Variants in ZNF644 observed in about 807,000 individuals in gnomAD.
ZNF644 encodes zinc finger motif enhancer binding protein 2.
Under a neutral mutation model 108.0 loss-of-function variants are expected in ZNF644, and 20 were observed. That is an observed-to-expected ratio of 0.19 (90% CI 0.13 to 0.27). The LOEUF (loss-of-function observed/expected upper bound fraction) is 0.27. ZNF644 is among the 10% of genes least tolerant of loss of function. ZNF644 has a pLI of 1.00. For synonymous variants in ZNF644, 542 were observed against 539.1 expected, an observed-to-expected ratio of 1.01 and a Z score of -0.08; for missense variants, 1,338 against 1,548.9, an observed-to-expected ratio of 0.86 and a Z score of 2.29.
intron 2 of ZNF644, among the ~76,000 whole-genome samples, chr1:90,959,269 T>C (rs77716385): frequency 3.4e-3 from 515 of 152,256 alleles, no homozygotes; most frequent in Non-Finnish European, 6.2e-3. Context: ...TAACAATTAC[T>C]GACATTGATG....
intron 1 of ZNF644, among the ~76,000 whole-genome samples, chr1:90,996,891 C>G (rs1658198415): frequency 6.6e-6 from 1 of 152,190 alleles, no homozygotes; most frequent in African/African-American, 2.4e-5. Flanking sequence ...TTTAACACAT[C>G]TGGTGGTCTC....
chr1:91,017,957 G>T (rs1451954495), intron 1 of ZNF644, among the ~76,000 whole-genome samples: 1 of 152,048 alleles, frequency 6.6e-6, no homozygotes, highest in Admixed American at 6.6e-5. Flanking sequence ...CCGAGACTCC[G>T]TCCCCCAACC....
At chr1:90,918,233 C>T in intron 4 of ZNF644, 79 bp from the exon 5 acceptor site, 1 of 1,153,372 alleles carries the variant, frequency 8.7e-7, no homozygotes, top group Non-Finnish European at 1.3e-6. Flanking sequence ...CTAGAGAGGT[C>T]AGACAGACCA....
In ZNF644 at chr1:90,992,543, C is replaced by G. The variant is rs117294181; in HGVS notation, c.-17-10173G>C. ...TGAAACAAATATAGCAAAGAGTAAT[C>G]TGGACTACTGGACAGATTGATATAC... On this transcript the variant is annotated intron_variant, in intron 1 of 5. Transcript: ENST00000337393. Among the ~76,000 whole-genome samples, 7 of 152,260 alleles carry G rather than the reference C, an allele frequency of 4.6e-5. No individual in the cohort carries two copies. In the East Asian group the frequency reaches 9.7e-4, roughly 21 times the overall value.
intron 1 of ZNF644, among the ~76,000 whole-genome samples, chr1:91,006,971 T>A (rs1472476002): frequency 6.6e-6 from 1 of 152,204 alleles, no homozygotes; most frequent in Non-Finnish European, 1.5e-5. Flanking sequence ...TAACTTTCCT[T>A]CAGGATTTTG....
chr1:90,985,917 A>G (rs1482735480), intron 1 of ZNF644, among the ~76,000 whole-genome samples: 1 of 152,172 alleles, frequency 6.6e-6, no homozygotes, highest in Non-Finnish European at 1.5e-5. Flanking sequence ...CATTCCTAAC[A>G]AGGTACACAA....
chr1:90,938,117 TCAGA>T lies in ZNF644; in HGVS notation c.3083-31_3083-28del. 1 of 1,609,896 alleles carries T rather than the reference TCAGA, an allele frequency of 6.2e-7. No homozygotes were observed. Among genetic ancestry groups the T allele is most frequent in the Non-Finnish European group, 8.5e-7 (1 of 1,178,678 alleles). ...TAGAAAAAAATTTTTAAGAGTAATA[TCAGA>T]CTTTCTTATATAAACTGACCACCCT... On this transcript the variant is annotated intron_variant, in intron 3 of 5. Transcript: ENST00000337393. This position sits in a 1 kb window ranked among gnomAD's most constrained non-coding sequence, Gnocchi z 4.2.
intron 2 of ZNF644, among the ~76,000 whole-genome samples, chr1:90,941,515 GCAA>G (rs549447151): frequency 1.1e-4 from 17 of 152,088 alleles, no homozygotes; most frequent in South Asian, 8.3e-4. Context: ...TTCATGCTAG[GCAA>G]CAACAACAGT....
chr1:90,927,979 G>A (rs1381647315), intron 4 of ZNF644, among the ~76,000 whole-genome samples: 1 of 151,734 alleles, frequency 6.6e-6, no homozygotes, highest in Non-Finnish European at 1.5e-5. Flanking sequence ...GAGTAGCTGG[G>A]ATTACAGGCG....
intron 2 of ZNF644, among the ~76,000 whole-genome samples, chr1:90,947,504 G>A (rs1652647431): frequency 6.6e-6 from 1 of 152,120 alleles, no homozygotes. Context: ...TACTCCAGGG[G>A]CAGTGTGTCA....
At chr1:90,969,777 GAT>G (rs1655276713) in intron 2 of ZNF644, among the ~76,000 whole-genome samples, 2 of 152,206 alleles carry the variant, frequency 1.3e-5, no homozygotes, top group South Asian at 4.2e-4. Flanking sequence ...CTTTATCACA[GAT>G]ATGTGTATGT....
At chr1:90,922,192 C>T (rs970737836) in intron 4 of ZNF644, among the ~76,000 whole-genome samples, 5 of 152,114 alleles carry the variant, frequency 3.3e-5, no homozygotes, top group African/African-American at 7.2e-5. Context: ...AATTAACATT[C>T]GCCACCGAAG....
rs932117800 is a variant in ZNF644 at position 90,940,445 on chromosome 1, A to G, written c.909T>C (p.Tyr303=). ...TAGAATCACTAAAGCAATCCTCGGT[A>G]TAACGAGTTATCTTGCTTACATCCA... ...RKMDVSKITR[Y]TEDCFSDSNC... Residue 303 remains tyrosine, a synonymous_variant, in exon 3 of 6, where the codon TAT becomes TAC. Coordinates refer to ENST00000337393, the MANE Select transcript of ZNF644 (RefSeq NM_201269.3). 25 of 1,613,602 alleles carry G rather than the reference A, an allele frequency of 1.5e-5. No individual in the cohort carries two copies. The highest frequency in any genetic ancestry group is 2.1e-5 in the Non-Finnish European group (25 of 1,179,894).
intron 2 of ZNF644, among the ~76,000 whole-genome samples, chr1:90,950,308 A>AGGGGAGGGCAGGGCAGGGCAGGG (rs1557588325): frequency 1.4e-4 from 11 of 78,780 alleles, no homozygotes; most frequent in South Asian, 6.6e-4. Context: ...AGGGGAGGGG[A>AGGGGAGGGCAGGGCAGGGCAGGG]CAAAAGAAAA....
chr1:90,964,211 T>C (rs540045254), intron 2 of ZNF644, among the ~76,000 whole-genome samples: 24 of 152,136 alleles, frequency 1.6e-4, no homozygotes, highest in Non-Finnish European at 3.1e-4. Context: ...AAGTTTTACA[T>C]ATTTTAATCA....
chr1:90,984,664 A>G (rs1045881839), intron 1 of ZNF644, among the ~76,000 whole-genome samples: 2 of 152,218 alleles, frequency 1.3e-5, no homozygotes, highest in African/African-American at 4.8e-5. Flanking sequence ...AAGTTCTGGG[A>G]TTACAGGCGT....
intron 1 of ZNF644, among the ~76,000 whole-genome samples, chr1:91,008,465 T>TG (rs1394198007): frequency 6.6e-6 from 1 of 152,226 alleles, no homozygotes; most frequent in African/African-American, 2.4e-5. Context: ...CCAAGAACTC[T>TG]GGAGCCATAC....
intron 1 of ZNF644, 60 bp from the exon 2 acceptor site, chr1:90,982,430 T>C (rs774812586): frequency 5.2e-5 from 54 of 1,045,424 alleles, no homozygotes; most frequent in South Asian, 1.0e-4. Flanking sequence ...TGAATAACCA[T>C]AGCTACAATA....
chr1:90,991,914 G>A (rs368022061), intron 1 of ZNF644, among the ~76,000 whole-genome samples: 15 of 152,136 alleles, frequency 9.9e-5, no homozygotes, highest in South Asian at 2.1e-4. Flanking sequence ...AAACACTAGC[G>A]GAAAAATGTC....
Sources: allele counts gnomAD v4.1 joint callset (sites outside exome capture counted in the v4.1 genomes callset), GRCh38; gene constraint gnomAD v4.1.1; non-coding constraint Gnocchi (gnomAD v3.1); transcripts MANE v1.5; gene names NCBI Gene and HGNC (gene_info 2026-07-23, HGNC 2026-07-21).